The following PDZRN4 variants were observed in gnomAD, a reference collection of about 807,000 sequenced individuals.
The protein encoded by PDZRN4 is PDZ domain-containing RING finger protein 4.
Under a neutral mutation model 99.0 loss-of-function variants are expected in PDZRN4, and 70 were observed. That is an observed-to-expected ratio of 0.71 (90% CI 0.58 to 0.86). PDZRN4 has a LOEUF of 0.86. PDZRN4 is among the 40% of genes least tolerant of loss of function. PDZRN4 has a pLI of 0.00. For missense variants in PDZRN4, 1,474 were observed against 1,331.2 expected (o/e 1.11, Z -1.67); for synonymous variants, 551 against 501.6 (o/e 1.10, Z -1.32).
chr12:41,353,921 G>T (rs1951909135), intron 3 of PDZRN4, among the ~76,000 whole-genome samples: 1 of 152,032 alleles, frequency 6.6e-6, no homozygotes, highest in African/African-American at 2.4e-5. Context: ...CAATTTACAG[G>T]AATTATCCCA....
chr12:41,452,856 A>G (rs1015568700), intron 3 of PDZRN4, among the ~76,000 whole-genome samples: 1 of 152,148 alleles, frequency 6.6e-6, no homozygotes, highest in Non-Finnish European at 1.5e-5. Flanking sequence ...TTAATTATGT[A>G]TACTGTCTTA....
intron 3 of PDZRN4, among the ~76,000 whole-genome samples, chr12:41,238,716 A>G (rs1367440125): frequency 6.7e-6 from 1 of 148,296 alleles, no homozygotes; most frequent in African/African-American, 2.5e-5. Context: ...ATTAAAAAAT[A>G]AAAAATAAAA....
chr12:41,530,247 C>A (rs1592098883), intron 5 of PDZRN4, among the ~76,000 whole-genome samples: 2 of 152,256 alleles, frequency 1.3e-5, no homozygotes, highest in Middle Eastern at 6.8e-3. Context: ...CATGCCTGAA[C>A]CACTATTTTG....
At chr12:41,379,376 A>G (rs1952106029) in intron 3 of PDZRN4, among the ~76,000 whole-genome samples, 1 of 149,766 alleles carries the variant, frequency 6.7e-6, no homozygotes, top group South Asian at 2.1e-4. Context: ...TTTATTTAAT[A>G]AATAATACTT....
At chr12:41,402,776 T>G (rs953016907) in intron 3 of PDZRN4, among the ~76,000 whole-genome samples, 1 of 150,432 alleles carries the variant, frequency 6.6e-6, no homozygotes, top group Non-Finnish European at 1.5e-5. Context: ...TTATTTTCTG[T>G]TTTGTATAAG....
chr12:41,243,590 G>A (rs372762548), intron 3 of PDZRN4, among the ~76,000 whole-genome samples: 1 of 152,044 alleles, frequency 6.6e-6, no homozygotes, highest in African/African-American at 2.4e-5. Context: ...ATCTATTGGA[G>A]TCCCTTTCTG....
At chr12:41,565,030 G>C (rs1445049317) in intron 8 of PDZRN4, among the ~76,000 whole-genome samples, 1 of 152,090 alleles carries the variant, frequency 6.6e-6, no homozygotes, top group African/African-American at 2.4e-5. Context: ...GCCACATAGT[G>C]GCCATAATGG....
chr12:41,511,018 C>A (rs762276395), intron 5 of PDZRN4, among the ~76,000 whole-genome samples: 12 of 152,082 alleles, frequency 7.9e-5, no homozygotes, highest in Non-Finnish European at 1.5e-4. Context: ...CACTGACATG[C>A]ATTACAATAT....
At chr12:41,404,848 A>G (rs1243324669) in intron 3 of PDZRN4, among the ~76,000 whole-genome samples, 1 of 126,362 alleles carries the variant, frequency 7.9e-6, no homozygotes, top group African/African-American at 2.9e-5. Flanking sequence ...CTAATCTTCA[A>G]CAAGACCAAA....
At chr12:41,280,525 C>T (rs910211502) in intron 3 of PDZRN4, among the ~76,000 whole-genome samples, 2 of 152,048 alleles carry the variant, frequency 1.3e-5, no homozygotes, top group African/African-American at 4.8e-5. Flanking sequence ...GAGCTTGGTG[C>T]GGGGAGGGGC....
At position 41,573,344 on chromosome 12, in the gene PDZRN4, G is replaced by T. The variant is rs1396942801; in HGVS notation, c.2565G>T (p.Gln855His). 3 of 1,613,280 alleles carry T rather than the reference G, an allele frequency of 1.9e-6. No individual in the cohort carries two copies. In the East Asian group the frequency reaches 6.7e-5, roughly 36 times the overall value. Residue 855 changes from glutamine (Q) to histidine (H), a missense_variant, in exon 10 of 10, where the codon CAG becomes CAT. Coordinates refer to ENST00000402685, the MANE Select transcript of PDZRN4 (RefSeq NM_001164595.2). ...CCCGGCATTATCAAAGCTACATGCA[G>T]TTAATTCAACAGAAATCTGCAGTCG... ...AHARHYQSYM[Q>H]LIQQKSAVEY...
At chr12:41,493,102 CT>C (rs1359059764) in intron 3 of PDZRN4, among the ~76,000 whole-genome samples, 1 of 152,192 alleles carries the variant, frequency 6.6e-6, no homozygotes, top group African/African-American at 2.4e-5. Context: ...TCTTCTAGTA[CT>C]TTTAATTAAA....
chr12:41,265,382 G>T (rs1951269325), intron 3 of PDZRN4, among the ~76,000 whole-genome samples: 1 of 152,134 alleles, frequency 6.6e-6, no homozygotes, highest in South Asian at 2.1e-4. Flanking sequence ...TAGATTTAAA[G>T]TTTTATTTAA....
At chr12:41,526,596 A>C (rs1938571456) in intron 5 of PDZRN4, among the ~76,000 whole-genome samples, 2 of 152,170 alleles carry the variant, frequency 1.3e-5, no homozygotes, top group Non-Finnish European at 2.9e-5. Context: ...AAATTGAAGA[A>C]ATTTTTGCAA....
At chr12:41,429,345 A>G (rs1952565993) in intron 3 of PDZRN4, among the ~76,000 whole-genome samples, 1 of 152,230 alleles carries the variant, frequency 6.6e-6, no homozygotes. Context: ...TATTCAATGC[A>G]GCAGTACCCA....
chr12:41,324,612 C>T (rs1352882697), intron 3 of PDZRN4, among the ~76,000 whole-genome samples: 1 of 151,990 alleles, frequency 6.6e-6, no homozygotes, highest in East Asian at 1.9e-4. Flanking sequence ...TTTAAAAGAA[C>T]ATTATGGTGT....
At chr12:41,382,317 G>T (rs1952133818) in intron 3 of PDZRN4, among the ~76,000 whole-genome samples, 1 of 152,122 alleles carries the variant, frequency 6.6e-6, no homozygotes. Flanking sequence ...TGAGACCACA[G>T]GCTCTGCCCT....
At chr12:41,414,241 A>T (rs549371494) in intron 3 of PDZRN4, among the ~76,000 whole-genome samples, 153 of 152,006 alleles carry the variant, frequency 1.0e-3, no homozygotes, top group African/African-American at 3.5e-3. Flanking sequence ...TGCCTTTAAG[A>T]TTTTTTTCTT....
intron 3 of PDZRN4, among the ~76,000 whole-genome samples, chr12:41,489,733 C>T (rs1228962758): frequency 6.7e-6 from 1 of 149,440 alleles, no homozygotes; most frequent in African/African-American, 2.5e-5. Context: ...TTTGATAAGA[C>T]TAGGACATCA....
Sources: gnomAD v4.1 joint callset for allele counts (sites outside exome capture counted in the v4.1 genomes callset) on GRCh38, gnomAD v4.1.1 for gene constraint, MANE v1.5 for transcripts, NCBI Gene and HGNC (gene_info 2026-07-23, HGNC 2026-07-21) for gene names.